Variants in PCDH15 observed in about 807,000 individuals in gnomAD.
The protein encoded by PCDH15 is protocadherin-15.
In PCDH15, 129 loss-of-function variants were observed where a neutral mutation model predicts 178.5. The observed-to-expected ratio is 0.72, with a 90% confidence interval of 0.63 to 0.84. The LOEUF is 0.84. Among genes scored for constraint, PCDH15 ranks in the 40% least tolerant of loss-of-function variants. The pLI is 0.00. For missense variants in PCDH15, 2,230 were observed against 2,099.9 expected, an observed-to-expected ratio of 1.06 and a Z score of -1.21; for synonymous variants, 800 against 732.0, an observed-to-expected ratio of 1.09 and a Z score of -1.50.
intron 13 of PCDH15, among the ~76,000 whole-genome samples, chr10:54,176,569 G>T (rs2047463895): frequency 6.6e-6 from 1 of 152,170 alleles, no homozygotes; most frequent in South Asian, 2.1e-4. Flanking sequence ...ATGAAGGGAT[G>T]TAGCAGGAGA....
chr10:55,256,703 G>C (rs1054905378), intron 1 of PCDH15, among the ~76,000 whole-genome samples: 1 of 152,178 alleles, frequency 6.6e-6, no homozygotes, highest in African/African-American at 2.4e-5. Context: ...GCTCAGGCCT[G>C]AGTAGGTAAA....
chr10:53,809,323 TCCTCAAGGCGTCTCTGCCACTCTTCAC>T (rs779862544), intron 37 of PCDH15: 371 of 1,613,930 alleles, frequency 2.3e-4, no homozygotes, highest in Non-Finnish European at 3.0e-4. Flanking sequence ...TTTATCTTCT[TCCTCAAGGCGTCTCTGCCACTCTTCAC>T]CCTCAAGGTC....
intron 1 of PCDH15, among the ~76,000 whole-genome samples, chr10:55,290,325 C>T (rs1351620122): frequency 1.3e-5 from 2 of 150,242 alleles, no homozygotes; most frequent in African/African-American, 2.5e-5. Flanking sequence ...TTAAACATCA[C>T]AGTGTGTATT....
intron 1 of PCDH15, among the ~76,000 whole-genome samples, chr10:54,709,680 ATG>A (rs61198105): frequency 0.46 from 65,494 of 141,156 alleles, 15,792 homozygotes; most frequent in Non-Finnish European, 0.53. Context: ...TATGGGAGTA[ATG>A]TGTGTGTGTG....
chr10:54,538,758 C>A (rs909449252), intron 2 of PCDH15, among the ~76,000 whole-genome samples: 1 of 152,162 alleles, frequency 6.6e-6, no homozygotes, highest in Admixed American at 6.5e-5. Context: ...TTCTCTTCCT[C>A]CTACTTTGGC....
chr10:53,821,695 G>C lies in PCDH15; in HGVS notation c.4368-1465C>G, dbSNP rs1243471477. On this transcript the variant is annotated intron_variant, in intron 32 of 37. Coordinates refer to ENST00000644397, the MANE Select transcript of PCDH15 (RefSeq NM_001384140.1). ...AATCTATTATATGAGTGAGTTAGTA[G>C]TGATGAGGTTAATATCTTTTTAAAT... The C allele has an allele frequency of 4.2e-6, 6 of 1,427,044 alleles. 1 individual carries two copies. Among genetic ancestry groups the C allele is most frequent in the Non-Finnish European group, 4.6e-6 (5 of 1,090,880 alleles). 88.4% of individuals were successfully genotyped at this position (1,427,044 alleles called of 1,614,324 possible). A position where few individuals can be genotyped will look rare whatever the true frequency, so the allele number is the denominator to read the frequency against.
intron 1 of PCDH15, among the ~76,000 whole-genome samples, chr10:54,790,946 G>A (rs1951351057): frequency 6.6e-6 from 1 of 151,760 alleles, no homozygotes; most frequent in Admixed American, 6.6e-5. Flanking sequence ...ATGACTTAGA[G>A]GATAAGAATG....
At chr10:55,504,442 T>C (rs939892144) in intron 2 of PCDH15, among the ~76,000 whole-genome samples, 15 of 151,426 alleles carry the variant, frequency 9.9e-5, no homozygotes, top group Non-Finnish European at 1.6e-4. Context: ...ACTGTAAATA[T>C]GTCATTTAAA....
intron 1 of PCDH15, among the ~76,000 whole-genome samples, chr10:55,214,316 T>G (rs1840644497): frequency 7.5e-6 from 1 of 132,720 alleles, no homozygotes; most frequent in South Asian, 2.6e-4. Flanking sequence ...TTTTTATTAT[T>G]ATTTTCATAG....
At chr10:54,912,807 T>C (rs1395314923) in intron 2 of PCDH15, among the ~76,000 whole-genome samples, 2 of 152,162 alleles carry the variant, frequency 1.3e-5, no homozygotes, top group Admixed American at 1.3e-4. Context: ...GTTAAATTGT[T>C]GTGACCAAAA....
intron 3 of PCDH15, among the ~76,000 whole-genome samples, chr10:54,440,125 G>A (rs1229178966): frequency 6.6e-6 from 1 of 151,968 alleles, no homozygotes; most frequent in Non-Finnish European, 1.5e-5. Context: ...TTTATTCAAA[G>A]CTTATAGATT....
rs1488873900 is a variant in PCDH15, at chr10:54,574,197, T to C, written c.92-46320A>G. On this transcript the variant is annotated intron_variant, in intron 2 of 37. Transcript: ENST00000644397. ...GTCTTTAATCCATCTTGAATTAATT[T>C]TTGTATAAGGTGTAAGGAAGGGATC... Among the ~76,000 whole-genome samples, 4 of 151,478 alleles carry C rather than the reference T, an allele frequency of 2.6e-5. No homozygotes were observed. In the East Asian group the frequency reaches 7.8e-4, roughly 29 times the overall value.
At chr10:53,892,215 C>T (rs1056328819) in intron 26 of PCDH15, among the ~76,000 whole-genome samples, 1 of 151,532 alleles carries the variant, frequency 6.6e-6, no homozygotes, top group Non-Finnish European at 1.5e-5. Context: ...TTAGTAGAGA[C>T]TGGGTTTCAC....
chr10:55,270,541 TG>T (rs1397952929), intron 1 of PCDH15, among the ~76,000 whole-genome samples: 10 of 150,738 alleles, frequency 6.6e-5, no homozygotes, highest in African/African-American at 2.4e-4. Context: ...TTGAAAAAAA[TG>T]TCCACCATCA....
chr10:54,350,272 T>C (rs1451351711), intron 5 of PCDH15, among the ~76,000 whole-genome samples: 1 of 152,216 alleles, frequency 6.6e-6, no homozygotes, highest in African/African-American at 2.4e-5. Flanking sequence ...TGGTATTTAC[T>C]GGCTGACAGG....
chr10:53,915,716 T>C (rs2083474370), intron 25 of PCDH15, among the ~76,000 whole-genome samples: 1 of 152,074 alleles, frequency 6.6e-6, no homozygotes, highest in Non-Finnish European at 1.5e-5. Context: ...CCCGCCACCA[T>C]GCCTGGCTAA....
chr10:55,284,327 T>C (rs1306134846), intron 1 of PCDH15, among the ~76,000 whole-genome samples: 1 of 152,060 alleles, frequency 6.6e-6, no homozygotes, highest in Non-Finnish European at 1.5e-5. Context: ...TTAGATAAAC[T>C]ACACTGAGAG....
intron 2 of PCDH15, among the ~76,000 whole-genome samples, chr10:54,611,226 C>G (rs974273875): frequency 2.6e-5 from 4 of 151,486 alleles, no homozygotes; most frequent in Admixed American, 6.6e-5. Context: ...TATGGAGTCC[C>G]CTTGCAAAAT....
intron 20 of PCDH15, among the ~76,000 whole-genome samples, chr10:54,002,139 T>C (rs1478464426): frequency 2.7e-4 from 41 of 151,266 alleles, no homozygotes; most frequent in African/African-American, 9.7e-4. Flanking sequence ...TGTATATATA[T>C]ATACACATAC....
Sources: gnomAD v4.1 joint callset for allele counts (sites outside exome capture counted in the v4.1 genomes callset) on GRCh38, gnomAD v4.1.1 for gene constraint, MANE v1.5 for transcripts, NCBI Gene and HGNC (gene_info 2026-07-23, HGNC 2026-07-21) for gene names.